The following ERBB4 variants were observed in gnomAD, a reference collection of about 807,000 sequenced individuals.
The protein encoded by ERBB4 is erb-b2 receptor tyrosine kinase 4.
ERBB4 carries 42 observed loss-of-function variants against 158.0 expected under a neutral mutation model. The observed-to-expected ratio is 0.27, with a 90% CI of 0.21 to 0.34. The LOEUF is 0.34. Among genes scored for constraint, ERBB4 ranks in the 10% least tolerant of loss-of-function variants. ERBB4 has a pLI of 1.00. For synonymous variants in ERBB4, 583 were observed against 558.7 expected, an observed-to-expected ratio of 1.04 and a Z score of -0.61; for missense variants, 1,333 against 1,624.1, an observed-to-expected ratio of 0.82 and a Z score of 3.08.
intron 3 of ERBB4, among the ~76,000 whole-genome samples, chr2:211,865,226 T>C (rs2078175386): frequency 6.6e-6 from 1 of 151,258 alleles, no homozygotes; most frequent in South Asian, 2.1e-4. Flanking sequence ...TATGTATATA[T>C]AGATATATCA....
intron 3 of ERBB4, among the ~76,000 whole-genome samples, chr2:211,899,486 C>T (rs1166451067): frequency 6.6e-6 from 1 of 151,974 alleles, no homozygotes; most frequent in African/African-American, 2.4e-5. Flanking sequence ...CAGACTGTTA[C>T]CCCTAAACAG....
intron 19 of ERBB4, among the ~76,000 whole-genome samples, chr2:211,580,801 TATA>T (rs1383998966): frequency 1.4e-4 from 4 of 28,468 alleles, no homozygotes; most frequent in South Asian, 2.3e-3. Flanking sequence ...TATATATATA[TATA>T]TATATATAAT....
At chr2:211,739,716 G>A (rs959632407) in intron 5 of ERBB4, among the ~76,000 whole-genome samples, 4 of 152,306 alleles carry the variant, frequency 2.6e-5, no homozygotes, top group East Asian at 1.9e-4. Context: ...TGATCTGCCC[G>A]CTTCGGCCTC....
At chr2:212,381,891 A>G (rs1033038591) in intron 1 of ERBB4, among the ~76,000 whole-genome samples, 3 of 151,282 alleles carry the variant, frequency 2.0e-5, no homozygotes, top group Non-Finnish European at 4.4e-5. Context: ...ACTTTATATG[A>G]CATCATTCTT....
chr2:211,752,363 G>A (rs1345804615), intron 4 of ERBB4, among the ~76,000 whole-genome samples: 1 of 151,864 alleles, frequency 6.6e-6, no homozygotes, highest in East Asian at 1.9e-4. Flanking sequence ...GATCCATTAA[G>A]TGGTCTGTTA....
At chr2:211,861,858 A>G (rs1292818474) in intron 3 of ERBB4, among the ~76,000 whole-genome samples, 1 of 150,554 alleles carries the variant, frequency 6.6e-6, no homozygotes, top group African/African-American at 2.4e-5. Flanking sequence ...TGGAATGCTG[A>G]CCAATGGGGT....
chr2:212,428,197 G>A (rs2091955796), intron 1 of ERBB4, among the ~76,000 whole-genome samples: 1 of 152,080 alleles, frequency 6.6e-6, no homozygotes, highest in Non-Finnish European at 1.5e-5. Context: ...TACAGGAAAT[G>A]ATAATAATAT....
At position 212,247,736 on chromosome 2, in the gene ERBB4, G is replaced by T. The variant is rs562131873; in HGVS notation, c.83-122833C>A. 2.6e-5 allele frequency among the ~76,000 whole-genome samples: 4 copies of T among 152,324 alleles called. No individual in the cohort carries two copies. In the South Asian group the frequency reaches 8.3e-4, roughly 32 times the overall value. On this transcript the variant is annotated intron_variant, in intron 1 of 27. Coordinates refer to ENST00000342788, the MANE Select transcript of ERBB4 (RefSeq NM_005235.3). ...CTCAGCACTCTGGGAGGCCGAGGCA[G>T]ACAGATCGCTTGAGGTCAGGAGTTT...
chr2:211,898,204 C>T (rs963931090), intron 3 of ERBB4, among the ~76,000 whole-genome samples: 9 of 152,032 alleles, frequency 5.9e-5, no homozygotes, highest in Non-Finnish European at 1.2e-4. Context: ...ACTAAATATG[C>T]CTATTTTAAA....
intron 3 of ERBB4, among the ~76,000 whole-genome samples, chr2:211,836,875 T>C (rs1392318667): frequency 6.6e-6 from 1 of 151,964 alleles, no homozygotes; most frequent in East Asian, 1.9e-4. Context: ...TTAGTTTTAA[T>C]AAGAAATTAT....
chr2:212,438,540 G>A (rs2092186328), intron 1 of ERBB4, among the ~76,000 whole-genome samples: 1 of 152,044 alleles, frequency 6.6e-6, no homozygotes. Context: ...ATAAGTGTTT[G>A]TGAATGAGTA....
chr2:211,479,245 C>G (rs989440529), intron 20 of ERBB4, among the ~76,000 whole-genome samples: 1 of 152,108 alleles, frequency 6.6e-6, no homozygotes. Context: ...CTCTGAAAAC[C>G]ACTGCTCAAG....
At chr2:211,571,463 C>T (rs1354639612) in intron 19 of ERBB4, among the ~76,000 whole-genome samples, 1 of 152,096 alleles carries the variant, frequency 6.6e-6, no homozygotes, top group East Asian at 1.9e-4. Context: ...ATCTTCACGT[C>T]CAAAGTATCT....
intron 20 of ERBB4, among the ~76,000 whole-genome samples, chr2:211,465,219 C>T (rs990350906): frequency 2.6e-5 from 4 of 152,002 alleles, no homozygotes; most frequent in African/African-American, 9.7e-5. Flanking sequence ...GGAAAAACCA[C>T]GTGGAGGATT....
At chr2:211,595,599 C>A (rs1305243346) in intron 19 of ERBB4, among the ~76,000 whole-genome samples, 1 of 151,922 alleles carries the variant, frequency 6.6e-6, no homozygotes, top group Non-Finnish European at 1.5e-5. Flanking sequence ...TTATAAGAAC[C>A]AGATGTTATT....
intron 20 of ERBB4, among the ~76,000 whole-genome samples, chr2:211,515,896 T>TTATATATATATATATA (rs1206265176): frequency 7.0e-4 from 62 of 88,880 alleles, no homozygotes; most frequent in Non-Finnish European, 9.4e-4. Flanking sequence ...AAAACATATA[T>TTATATATATATATATA]TATATATATA....
At chr2:211,513,903 G>A (rs2065953088) in intron 20 of ERBB4, among the ~76,000 whole-genome samples, 2 of 151,902 alleles carry the variant, frequency 1.3e-5, no homozygotes, top group African/African-American at 4.8e-5. Context: ...CAAATGTATG[G>A]GGTACATGTG....
At chr2:212,275,419 T>A (rs1484613608) in intron 1 of ERBB4, among the ~76,000 whole-genome samples, 1 of 151,924 alleles carries the variant, frequency 6.6e-6, no homozygotes, top group East Asian at 1.9e-4. Context: ...TTTCTCCACA[T>A]CCTTTCCAGC....
intron 1 of ERBB4, among the ~76,000 whole-genome samples, chr2:212,138,986 G>C (rs1457630131): frequency 1.3e-5 from 2 of 152,090 alleles, no homozygotes; most frequent in Non-Finnish European, 2.9e-5. Flanking sequence ...CTATGGGTAA[G>C]TAAATGGGAC....
Sources: allele counts gnomAD v4.1 joint callset (sites outside exome capture counted in the v4.1 genomes callset), GRCh38; gene constraint gnomAD v4.1.1; transcripts MANE v1.5; gene names NCBI Gene and HGNC (gene_info 2026-07-23, HGNC 2026-07-21).